DYM: variants seen among roughly 807,000 people sequenced by gnomAD.
The protein encoded by DYM is dyggve-Melchior-Clausen syndrome protein.
DYM carries 78 observed loss-of-function variants against 93.1 expected under a neutral mutation model. The observed-to-expected ratio is 0.84, with a 90% confidence interval of 0.70 to 1.01. The LOEUF is 1.01. DYM is among the 50% of genes least tolerant of loss of function. The pLI is 0.00. For missense variants in DYM, 789 were observed against 845.0 expected (o/e 0.93, Z 0.82); for synonymous variants, 321 against 319.7 (o/e 1.00, Z -0.04).
At chr18:49,388,308 A>G (rs747698801) in intron 3 of DYM, among the ~76,000 whole-genome samples, 33 of 152,144 alleles carry the variant, frequency 2.2e-4, no homozygotes, top group Non-Finnish European at 3.8e-4. Flanking sequence ...CTAGCTGGGA[A>G]ACAGAGTGAG....
chr18:49,306,375 A>C (rs1424120293), intron 8 of DYM, among the ~76,000 whole-genome samples: 1 of 152,230 alleles, frequency 6.6e-6, no homozygotes, highest in Non-Finnish European at 1.5e-5. Flanking sequence ...TCAGAAAAGA[A>C]AGACAGAAAA....
chr18:49,197,875 A>C (rs562800778), intron 14 of DYM, among the ~76,000 whole-genome samples: 60 of 152,296 alleles, frequency 3.9e-4, no homozygotes, highest in African/African-American at 1.3e-3. Flanking sequence ...AATTGGAAAA[A>C]ACTACTTTAA....
intron 2 of DYM, among the ~76,000 whole-genome samples, chr18:49,396,641 C>T (rs186328679): frequency 2.0e-5 from 3 of 152,226 alleles, no homozygotes; most frequent in African/African-American, 7.2e-5. Flanking sequence ...TTTACTGCAG[C>T]ACTATTCACA....
chr18:49,319,717 G>T (rs187911251), intron 8 of DYM, among the ~76,000 whole-genome samples: 4 of 152,310 alleles, frequency 2.6e-5, no homozygotes, highest in Admixed American at 2.6e-4. Context: ...GACTCAACTT[G>T]CAAAAGGCAG....
intron 15 of DYM, among the ~76,000 whole-genome samples, chr18:49,119,764 G>A (rs1025844313): frequency 2.0e-5 from 3 of 152,104 alleles, no homozygotes; most frequent in Non-Finnish European, 2.9e-5. Flanking sequence ...AATGTCTAGA[G>A]CAAATCTGCC....
intron 14 of DYM, among the ~76,000 whole-genome samples, chr18:49,203,189 C>T (rs1245932520): frequency 1.1e-5 from 1 of 91,178 alleles, no homozygotes; most frequent in Non-Finnish European, 2.4e-5. Context: ...GGGGGGTCAG[C>T]CCCCCGCCCG....
chr18:49,246,875 C>T (rs2094182784), intron 13 of DYM, among the ~76,000 whole-genome samples: 1 of 152,188 alleles, frequency 6.6e-6, no homozygotes, highest in South Asian at 2.1e-4. Flanking sequence ...GGCTACCTTA[C>T]TGAAACAGTG....
At position 49,258,839 on chromosome 18, in the gene DYM, CAGAGAGAGAGAGAG is replaced by C. The variant is rs61360021; in HGVS notation, c.1252-360_1252-347del. ...ACACACACAGAGACACACACACACA[CAGAGAGAGAGAGAG>C]AGAGAGAGAGAGAGAGAGAGAGAGA... On this transcript the variant is annotated intron_variant, in intron 11 of 17. Coordinates refer to ENST00000675505, the MANE Select transcript of DYM (RefSeq NM_001353214.3). Among the ~76,000 whole-genome samples the C allele has an allele frequency of 4.7e-3, 540 of 113,728 alleles. 17 individuals carry two copies. The highest frequency in any genetic ancestry group is 9.5e-3 in the South Asian group (30 of 3,166). The allele number at this position is 113,728 out of a possible 152,430, so 74.6% of individuals were successfully genotyped here.
chr18:49,061,352 A>G (rs1838757462), intron 17 of DYM, among the ~76,000 whole-genome samples: 1 of 152,156 alleles, frequency 6.6e-6, no homozygotes, highest in African/African-American at 2.4e-5. Flanking sequence ...CAGAGGAATA[A>G]TAGAAGCACA....
chr18:49,167,794 T>C (rs1274123814), intron 14 of DYM, among the ~76,000 whole-genome samples: 2 of 152,224 alleles, frequency 1.3e-5, no homozygotes, highest in Non-Finnish European at 2.9e-5. Context: ...GGGATCTATT[T>C]GCTAGAATAC....
intron 13 of DYM, among the ~76,000 whole-genome samples, chr18:49,233,855 G>A (rs539701609): frequency 1.5e-4 from 23 of 152,106 alleles, no homozygotes; most frequent in African/African-American, 5.5e-4. Flanking sequence ...GGCCGGGCGC[G>A]GTGGCTCACA....
rs149342727 is a variant in DYM, at chr18:49,200,055, G to A, written c.1625+9496C>T. Among the ~76,000 whole-genome samples the A allele has an allele frequency of 1.3e-4, 20 of 152,202 alleles. No homozygotes were observed. In the East Asian group the frequency reaches 3.9e-3, roughly 29 times the overall value. ...AAATAAACCATGGGAGAAATTCTCT[G>A]TGATCATACTGAGGAACTCCTATCT... On this transcript the variant is annotated intron_variant, in intron 14 of 17. Coordinates refer to ENST00000675505, the MANE Select transcript of DYM (RefSeq NM_001353214.3).
intron 11 of DYM, 26 bp from the exon 12 acceptor site, chr18:49,258,519 T>TA: frequency 7.4e-7 from 1 of 1,346,258 alleles, no homozygotes; most frequent in Non-Finnish European, 1.1e-6. Flanking sequence ...AAAGTTTAAG[T>TA]AAAAAATGAT....
At chr18:49,339,829 A>G (rs185500684) in intron 6 of DYM, among the ~76,000 whole-genome samples, 26 of 152,350 alleles carry the variant, frequency 1.7e-4, no homozygotes, top group Non-Finnish European at 3.2e-4. Flanking sequence ...CGAAACATCC[A>G]TTATTTGTGG....
chr18:49,258,857 G>GAT (rs1568120387), intron 11 of DYM, among the ~76,000 whole-genome samples: 4 of 102,046 alleles, frequency 3.9e-5, no homozygotes, highest in African/African-American at 1.6e-4. Context: ...GAGAGAGAGA[G>GAT]AGAGAGAGAG....
At chr18:49,180,222 A>G (rs1263682287) in intron 14 of DYM, among the ~76,000 whole-genome samples, 1 of 152,202 alleles carries the variant, frequency 6.6e-6, no homozygotes, top group East Asian at 1.9e-4. Context: ...TCTTGATAAG[A>G]GATATAAATT....
In DYM at chr18:49,309,782, G is replaced by C. The variant is rs570236392; in HGVS notation, c.763+22082C>G. ...CAATTAGGAAAAAATGACCCAAAAA[G>C]GATCCTTAGGGGAATAATAATGGAA... On this transcript the variant is annotated intron_variant, in intron 8 of 17. Transcript: ENST00000675505. 3.9e-5 allele frequency among the ~76,000 whole-genome samples: 6 copies of C among 152,212 alleles called. No homozygotes were observed. The South Asian group carries it at 1.2e-3, about 32-fold the overall frequency.
At chr18:49,246,738 T>TTCATTA (rs1294369071) in intron 13 of DYM, among the ~76,000 whole-genome samples, 1 of 152,160 alleles carries the variant, frequency 6.6e-6, no homozygotes, top group Non-Finnish European at 1.5e-5. Context: ...GACATCTGAG[T>TTCATTA]TGGAGGTTCA....
intron 17 of DYM, among the ~76,000 whole-genome samples, chr18:49,091,721 T>C (rs1568405106): frequency 6.6e-6 from 1 of 151,870 alleles, no homozygotes; most frequent in Non-Finnish European, 1.5e-5. Flanking sequence ...TGAAAAACAG[T>C]GATTTAATAT....
Sources: gnomAD v4.1 joint callset for allele counts (sites outside exome capture counted in the v4.1 genomes callset) on GRCh38, gnomAD v4.1.1 for gene constraint, MANE v1.5 for transcripts, NCBI Gene and HGNC (gene_info 2026-07-23, HGNC 2026-07-21) for gene names.